The following XKR9 variants were observed in gnomAD, a reference collection of about 807,000 sequenced individuals.
XKR9 encodes XK related 9, also known as XK-related protein 9.
In XKR9, 32 loss-of-function variants were observed where a neutral mutation model predicts 32.0. That is an observed-to-expected ratio of 1.00 (90% CI 0.76 to 1.34). The LOEUF (loss-of-function observed/expected upper bound fraction) is 1.34. Ranked by LOEUF, XKR9 falls within the 40% of genes most tolerant of loss-of-function variation. The pLI is 0.00. For synonymous variants in XKR9, 168 were observed against 143.4 expected (o/e 1.17, Z -1.22); for missense variants, 546 against 429.7 (o/e 1.27, Z -2.39).
chr8:70,897,987 A>T, the XKR9 span, among the ~76,000 whole-genome samples: 1 of 152,210 alleles, frequency 6.6e-6, no homozygotes, highest in Non-Finnish European at 1.5e-5. Flanking sequence ...ATCTTTGCCC[A>T]CTTCAATGTC....
At chr8:70,808,932 G>C in the XKR9 span, among the ~76,000 whole-genome samples, 1 of 152,208 alleles carries the variant, frequency 6.6e-6, no homozygotes, top group Admixed American at 6.5e-5. Flanking sequence ...CTGTCTGACA[G>C]CTTTGAAGAG....
chr8:70,792,266 C>T (rs754364502), downstream of XKR9, among the ~76,000 whole-genome samples: 4 of 151,998 alleles, frequency 2.6e-5, no homozygotes, highest in African/African-American at 7.3e-5. Flanking sequence ...TTCCTATCTC[C>T]AAGGGCTCAG....
intron 2 of XKR9, among the ~76,000 whole-genome samples, chr8:70,766,515 C>G (rs972524399): frequency 3.3e-5 from 5 of 152,172 alleles, no homozygotes; most frequent in African/African-American, 1.2e-4. Flanking sequence ...ATGGGGTTTT[C>G]TAAATATACA....
the XKR9 span, among the ~76,000 whole-genome samples, chr8:70,899,531 A>G: frequency 6.6e-6 from 1 of 151,972 alleles, no homozygotes; most frequent in Non-Finnish European, 1.5e-5. Flanking sequence ...AAATGTGTAA[A>G]TAAAACTGTA....
the XKR9 span, among the ~76,000 whole-genome samples, chr8:70,852,389 T>G: frequency 6.6e-6 from 1 of 152,216 alleles, no homozygotes; most frequent in African/African-American, 2.4e-5. Flanking sequence ...CTCAAGGATC[T>G]AGAACTAGAA....
At chr8:70,805,499 A>G in the XKR9 span, among the ~76,000 whole-genome samples, 1 of 152,094 alleles carries the variant, frequency 6.6e-6, no homozygotes, top group East Asian at 1.9e-4. Context: ...ACTGCCTAAC[A>G]CGCTAAGCTC....
the XKR9 span, among the ~76,000 whole-genome samples, chr8:71,009,432 G>T: frequency 6.6e-6 from 1 of 152,204 alleles, no homozygotes; most frequent in Admixed American, 6.5e-5. Flanking sequence ...GAAGCCAAAA[G>T]ATTGGACACT....
chr8:70,737,127 A>C (rs1044385547), downstream of XKR9, among the ~76,000 whole-genome samples: 7 of 148,432 alleles, frequency 4.7e-5, no homozygotes, highest in Non-Finnish European at 9.0e-5. Flanking sequence ...ATTTGTTTGT[A>C]TCCTCTTTTA....
intron 4 of XKR9, 129 bp from the exon 5 acceptor site, chr8:70,733,667 A>G: frequency 1.1e-6 from 1 of 878,544 alleles, no homozygotes; most frequent in Non-Finnish European, 1.6e-6. Context: ...TCAAAAGATT[A>G]GATGAGAAGA....
At chr8:71,065,489 T>C in the XKR9 span, among the ~76,000 whole-genome samples, 3 of 152,198 alleles carry the variant, frequency 2.0e-5, no homozygotes, top group African/African-American at 7.2e-5. Flanking sequence ...AAAATTAACA[T>C]GTGTTGTTTA....
At chr8:70,812,173 A>G in the XKR9 span, among the ~76,000 whole-genome samples, 5 of 152,260 alleles carry the variant, frequency 3.3e-5, no homozygotes, top group Admixed American at 2.6e-4. Context: ...GCATATAAAC[A>G]GAACCAAAGA....
intron 3 of XKR9, 95 bp downstream of exon 3, chr8:70,681,425 T>C: frequency 7.0e-7 from 1 of 1,418,868 alleles, no homozygotes; most frequent in East Asian, 2.3e-5. Context: ...TGTACAAAGA[T>C]CCCTTATTTG....
chr8:70,894,462 G>A, the XKR9 span, among the ~76,000 whole-genome samples: 1 of 152,074 alleles, frequency 6.6e-6, no homozygotes, highest in African/African-American at 2.4e-5. Context: ...TGTTTATTTG[G>A]GATGTAATGT....
downstream of XKR9, among the ~76,000 whole-genome samples, chr8:70,738,757 A>T (rs997397526): frequency 2.0e-5 from 3 of 152,016 alleles, no homozygotes; most frequent in African/African-American, 7.2e-5. Context: ...CAGGTTGTTC[A>T]GTTTCCGTGT....
the XKR9 span, among the ~76,000 whole-genome samples, chr8:70,947,772 C>T: frequency 2.0e-5 from 3 of 152,118 alleles, no homozygotes; most frequent in South Asian, 2.1e-4. Flanking sequence ...TTTTAAAATA[C>T]GATTTGAAAA....
chr8:70,991,259 C>T, the XKR9 span, among the ~76,000 whole-genome samples: 9 of 152,104 alleles, frequency 5.9e-5, no homozygotes, highest in African/African-American at 9.7e-5. Context: ...CAGCATGAAA[C>T]GGAGGCTGTA....
intron 3 of XKR9, among the ~76,000 whole-genome samples, chr8:70,702,540 A>G (rs964239263): frequency 1.3e-5 from 2 of 152,142 alleles, no homozygotes; most frequent in African/African-American, 4.8e-5. Context: ...TCAACTGAGA[A>G]TGCGGATTTA....
At position 70,695,035 on chromosome 8, in the gene XKR9, C is replaced by T. The variant is rs932183912; in HGVS notation, c.273-11898C>T. Among the ~76,000 whole-genome samples the T allele has an allele frequency of 2.6e-5, 4 of 152,032 alleles. No homozygotes were observed. The East Asian group carries it at 7.7e-4, about 29-fold the overall frequency. ...GAGCTGTGGGAGAAGCATGATTTCC[C>T]TGGGTTGCTCTTGGACTTACCACTT... On this transcript the variant is annotated intron_variant, in intron 3 of 4. Coordinates refer to ENST00000408926, the MANE Select transcript of XKR9 (RefSeq NM_001011720.2).
At chr8:70,768,752 C>CTT (rs34429338) in intron 2 of XKR9, among the ~76,000 whole-genome samples, 24 of 144,192 alleles carry the variant, frequency 1.7e-4, no homozygotes, top group South Asian at 4.5e-4. Context: ...GAAACCCCTG[C>CTT]TTTTTTTTTT....
Sources: gnomAD v4.1 joint callset for allele counts (sites outside exome capture counted in the v4.1 genomes callset) on GRCh38, gnomAD v4.1.1 for gene constraint, MANE v1.5 for transcripts, NCBI Gene and HGNC (gene_info 2026-07-23, HGNC 2026-07-21) for gene names.